Variants in RBFOX1 observed in about 807,000 individuals in gnomAD.
The protein encoded by RBFOX1 is RNA binding protein fox-1 homolog 1.
Under a neutral mutation model 57.7 loss-of-function variants are expected in RBFOX1, and 8 were observed. That is an observed-to-expected ratio of 0.14 (90% CI 0.08 to 0.25). The LOEUF (loss-of-function observed/expected upper bound fraction) is 0.25. Among genes scored for constraint, RBFOX1 ranks in the 10% least tolerant of loss-of-function variants. The probability of loss-of-function intolerance (pLI) is 1.00; values close to 1 mark genes in which losing one functional copy is unlikely to be tolerated. For missense variants in RBFOX1, 611 were observed against 548.5 expected (o/e 1.11, Z -1.14); for synonymous variants, 326 against 222.4 (o/e 1.47, Z -4.15).
chr16:6,809,067 T>A (rs943217153), intron 3 of RBFOX1, among the ~76,000 whole-genome samples: 4 of 152,214 alleles, frequency 2.6e-5, no homozygotes, highest in African/African-American at 9.6e-5. Context: ...CCAGCCGCCA[T>A]ACTTCAACCA....
At chr16:6,901,383 G>C (rs1323219881) in intron 3 of RBFOX1, among the ~76,000 whole-genome samples, 1 of 152,136 alleles carries the variant, frequency 6.6e-6, no homozygotes. Flanking sequence ...CAAAATCAAA[G>C]TGAACAGGAC....
chr16:5,763,373 C>T (rs962761519), intron 3 of RBFOX1, among the ~76,000 whole-genome samples: 1 of 152,188 alleles, frequency 6.6e-6, no homozygotes, highest in Non-Finnish European at 1.5e-5. Context: ...GACTCGCTCC[C>T]AGCTACAGCG....
intron 2 of RBFOX1, among the ~76,000 whole-genome samples, chr16:6,395,427 ATGT>A (rs1043660149): frequency 4.3e-4 from 66 of 152,230 alleles, no homozygotes; most frequent in African/African-American, 1.6e-3. Flanking sequence ...TTCTTTTCAA[ATGT>A]TGTTTTAATG....
chr16:5,909,834 T>C lies in RBFOX1; in HGVS notation c.351+42499T>C, dbSNP rs552109094. On this transcript the variant is annotated intron_variant, in intron 4 of 19. Coordinates refer to the RBFOX1 transcript ENST00000641259. The stretch of plus-strand genomic sequence containing the variant: ...TGGGAGACCGCGGCGGGCAGATCAC[T>C]TGAGGTCAGGAGTTTCGAGACCAGC... Among the ~76,000 whole-genome samples, 110 of 152,174 alleles carry C rather than the reference T, an allele frequency of 7.2e-4. 1 individual carries two copies. The highest frequency in any genetic ancestry group is 2.5e-3 in the African/African-American group (103 of 41,546).
intron 2 of RBFOX1, among the ~76,000 whole-genome samples, chr16:5,480,331 A>G (rs967283117): frequency 3.9e-5 from 6 of 152,148 alleles, no homozygotes; most frequent in Non-Finnish European, 8.8e-5. Context: ...CACATGTACT[A>G]CACATCCATA....
At chr16:6,501,726 T>C (rs1019191) in intron 2 of RBFOX1, among the ~76,000 whole-genome samples, 46,569 of 152,008 alleles carry the variant, frequency 0.31, 7,919 homozygotes, top group Non-Finnish European at 0.39. Flanking sequence ...TGACCTGTAC[T>C]GGGCGCTGTG....
rs189157956 is a variant in RBFOX1 at position 7,128,487 on chromosome 16, C to T, written c.27+76389C>T. Among the ~76,000 whole-genome samples, 288 of 152,256 alleles carry T rather than the reference C, an allele frequency of 1.9e-3. 1 individual carries two copies. The highest frequency in any genetic ancestry group is 6.6e-3 in the African/African-American group (274 of 41,550). ...TCAGCGGGGATAGTTCGGTTCTGTA[C>T]GTGTGTGTCTCTGATATCCCCAGCA... On this transcript the variant is annotated intron_variant, in intron 4 of 15. Transcript: ENST00000550418.
chr16:6,693,410 C>T (rs754656008), intron 3 of RBFOX1, among the ~76,000 whole-genome samples: 28 of 151,548 alleles, frequency 1.8e-4, no homozygotes, highest in Admixed American at 3.3e-4. Flanking sequence ...CATCCACTAC[C>T]ATCACCACTA....
At chr16:6,020,127 G>A in intron 1 of RBFOX1, 135 bp downstream of exon 1, 1 of 1,095,038 alleles carries the variant, frequency 9.1e-7, no homozygotes, top group Non-Finnish European at 1.2e-6. Flanking sequence ...CTCTGGACGG[G>A]AACTTTTTCA....
Position 6,407,569 on chromosome 16 carries a change from C to CAGAGAGAGAGAGAGAGAG in RBFOX1, c.-64+90520_-64+90537dup, listed in dbSNP as rs71145224. Among the ~76,000 whole-genome samples, 9 of 25,914 alleles carry CAGAGAGAGAGAGAGAGAG rather than the reference C, an allele frequency of 3.5e-4. 1 individual carries two copies. In the South Asian group the frequency reaches 9.8e-3, roughly 28 times the overall value. The allele number at this position is 25,914 out of a possible 152,430, so 17.0% of individuals were successfully genotyped here. On this transcript the variant is annotated intron_variant, in intron 2 of 15. Transcript: ENST00000550418. ...TGTGTGTGTGTGTGTGTGTGTGTGACAGAGAGAGAGAGAGAGAGAGAGAGA... is the reference window on the plus strand; with the variant it reads ...TGTGTGTGTGTGTGTGTGTGTGTGACAGAGAGAGAGAGAGAGAGAGAGAGAGAGAGAGAGAGAGAGAGA...
At chr16:7,292,737 C>G (rs775788769) in intron 4 of RBFOX1, among the ~76,000 whole-genome samples, 1 of 151,878 alleles carries the variant, frequency 6.6e-6, no homozygotes, top group Non-Finnish European at 1.5e-5. Context: ...TCTTACATGT[C>G]ACTCTACTGA....
intron 5 of RBFOX1, among the ~76,000 whole-genome samples, chr16:7,534,405 C>G (rs1038654101): frequency 5.3e-5 from 8 of 152,054 alleles, no homozygotes; most frequent in Admixed American, 6.6e-5. Context: ...CACAGCAACT[C>G]TTTAAACACT....
intron 10 of RBFOX1, among the ~76,000 whole-genome samples, chr16:7,620,639 C>T (rs557891091): frequency 6.6e-6 from 1 of 152,164 alleles, no homozygotes; most frequent in Non-Finnish European, 1.5e-5. Flanking sequence ...TGCCAGATGG[C>T]AGCTTCGGAA....
intron 4 of RBFOX1, among the ~76,000 whole-genome samples, chr16:7,334,982 C>G (rs1431280779): frequency 2.6e-5 from 4 of 152,238 alleles, no homozygotes; most frequent in Admixed American, 2.0e-4. Context: ...TATCTCCTTT[C>G]TTTCTCACTG....
At chr16:7,651,806 C>T (rs1415563740) in intron 11 of RBFOX1, among the ~76,000 whole-genome samples, 1 of 152,212 alleles carries the variant, frequency 6.6e-6, no homozygotes, top group Admixed American at 6.5e-5. Context: ...TGCTGTGGCT[C>T]TCCTGGGACA....
At chr16:7,247,903 G>T (rs1473879352) in intron 4 of RBFOX1, among the ~76,000 whole-genome samples, 1 of 152,152 alleles carries the variant, frequency 6.6e-6, no homozygotes, top group Non-Finnish European at 1.5e-5. Context: ...TGGAGGGTGG[G>T]AGTAGGGAGA....
intron 4 of RBFOX1, among the ~76,000 whole-genome samples, chr16:7,452,753 C>G (rs559765978): frequency 6.6e-6 from 1 of 152,138 alleles, no homozygotes; most frequent in East Asian, 1.9e-4. Flanking sequence ...CTGATCATGG[C>G]TGCCAAGACC....
rs146914515 is a variant in RBFOX1 at position 7,589,441 on chromosome 16, A to C, written c.468+2141A>C. Among the ~76,000 whole-genome samples the C allele has an allele frequency of 7.9e-5, 12 of 152,212 alleles. No individual in the cohort carries two copies. The East Asian group carries it at 1.4e-3, about 17-fold the overall frequency. ...TGATTAGCCTGTCTCTGGGGGCTTCAGGAAAAAGACCATTTAAGTTTGCTG... is the reference window on the plus strand; with the variant it reads ...TGATTAGCCTGTCTCTGGGGGCTTCCGGAAAAAGACCATTTAAGTTTGCTG... On this transcript the variant is annotated intron_variant, in intron 7 of 15. Transcript: ENST00000550418.
Position 7,324,447 on chromosome 16 carries a change from C to T in RBFOX1, c.28-193700C>T, listed in dbSNP as rs556354676. ...CAGCGGAGTAGCTGCATCCTCCCCC[C>T]TTCTGAGAGGCCTCAGGGGGTATTT... On this transcript the variant is annotated intron_variant, in intron 4 of 15. Coordinates refer to ENST00000550418, the MANE Select transcript of RBFOX1 (RefSeq NM_018723.4). Among the ~76,000 whole-genome samples the T allele has an allele frequency of 1.9e-3, 291 of 152,290 alleles. 1 individual carries two copies. Among genetic ancestry groups the T allele is most frequent in the African/African-American group, 6.4e-3 (265 of 41,568 alleles).
Sources: allele counts gnomAD v4.1 joint callset (sites outside exome capture counted in the v4.1 genomes callset), GRCh38; gene constraint gnomAD v4.1.1; transcripts MANE v1.5; gene names NCBI Gene and HGNC (gene_info 2026-07-23, HGNC 2026-07-21).